Variants in DNAJC6 observed in about 807,000 individuals in gnomAD.
The protein encoded by DNAJC6 is DnaJ heat shock protein family (Hsp40) member C6.
DNAJC6 carries 34 observed loss-of-function variants against 110.0 expected under a neutral mutation model. The ratio of observed to expected loss-of-function variants is 0.31; its 90% confidence interval spans 0.24 to 0.41. The LOEUF is 0.41. DNAJC6 is among the 10% of genes least tolerant of loss of function. The pLI is 1.00. For synonymous variants in DNAJC6, 406 were observed against 437.2 expected, an observed-to-expected ratio of 0.93 and a Z score of 0.89; for missense variants, 1,031 against 1,207.8, an observed-to-expected ratio of 0.85 and a Z score of 2.17.
rs1469728244 is a variant in DNAJC6, at chr1:65,379,536, T to C, written c.666+12T>C. 1.1e-5 allele frequency: 18 copies of C among 1,613,476 alleles called. No homozygotes were observed. The highest frequency in any genetic ancestry group is 1.6e-4 in the Middle Eastern group (1 of 6,082). On this transcript the variant is annotated intron_variant, in intron 5 of 18. Transcript: ENST00000371069. ...TTGTCCACTGCTTGGTGAGTAACCT[T>C]TTGTTGTTGGTGGTGATGGTTTGGT...
intron 1 of DNAJC6, among the ~76,000 whole-genome samples, chr1:65,351,908 G>A (rs992471742): frequency 4.6e-5 from 7 of 152,048 alleles, no homozygotes; most frequent in Non-Finnish European, 8.8e-5. Flanking sequence ...GGGATTACAG[G>A]CGTCCACCAC....
intron 1 of DNAJC6, among the ~76,000 whole-genome samples, chr1:65,311,474 C>T (rs1332445355): frequency 6.6e-6 from 1 of 152,122 alleles, no homozygotes; most frequent in East Asian, 1.9e-4. Context: ...ATCTGCCTGC[C>T]TCGGCCTCCC....
chr1:65,356,753 G>A (rs764797024), intron 1 of DNAJC6, among the ~76,000 whole-genome samples: 1 of 152,028 alleles, frequency 6.6e-6, no homozygotes, highest in East Asian at 1.9e-4. Context: ...TTTATAGGGT[G>A]GGGAGTTGGT....
chr1:65,350,037 A>C (rs1645476758), intron 1 of DNAJC6, among the ~76,000 whole-genome samples: 1 of 152,228 alleles, frequency 6.6e-6, no homozygotes, highest in Non-Finnish European at 1.5e-5. Flanking sequence ...TTTACAATTC[A>C]ATAGTGCTAA....
At chr1:65,266,123 G>A (rs1412919633) in intron 1 of DNAJC6, among the ~76,000 whole-genome samples, 1 of 152,250 alleles carries the variant, frequency 6.6e-6, no homozygotes, top group Non-Finnish European at 1.5e-5. Context: ...TGGGTGAGAC[G>A]TGCAACAACG....
intron 4 of DNAJC6, among the ~76,000 whole-genome samples, chr1:65,373,340 G>A (rs1645726688): frequency 6.6e-6 from 1 of 151,994 alleles, no homozygotes; most frequent in Non-Finnish European, 1.5e-5. Flanking sequence ...GAATTGCTGG[G>A]TCATATGGAA....
intron 1 of DNAJC6, among the ~76,000 whole-genome samples, chr1:65,339,004 C>T (rs886747216): frequency 2.6e-5 from 4 of 152,124 alleles, no homozygotes; most frequent in Non-Finnish European, 5.9e-5. Flanking sequence ...TTATCCTTCC[C>T]ATATGGTCTT....
intron 1 of DNAJC6, among the ~76,000 whole-genome samples, chr1:65,325,020 G>A (rs1160123161): frequency 5.3e-5 from 8 of 152,136 alleles, no homozygotes; most frequent in South Asian, 2.1e-4. Flanking sequence ...CTTAGTGGTC[G>A]GCCCTATAAA....
intron 1 of DNAJC6, chr1:65,298,634 A>C (rs1289683968): frequency 6.6e-6 from 1 of 151,936 alleles, no homozygotes; most frequent in Non-Finnish European, 1.5e-5. Context: ...TTAATTATTT[A>C]TTAAGATAAA....
chr1:65,276,041 C>T (rs971575019), intron 1 of DNAJC6, among the ~76,000 whole-genome samples: 4 of 151,978 alleles, frequency 2.6e-5, no homozygotes, highest in Admixed American at 2.0e-4. Flanking sequence ...ACCACTATGC[C>T]TGGCTAATTT....
At chr1:65,269,443 T>C (rs1178964243) in intron 1 of DNAJC6, among the ~76,000 whole-genome samples, 3 of 152,076 alleles carry the variant, frequency 2.0e-5, no homozygotes, top group Admixed American at 6.6e-5. Context: ...CAAAATCTAA[T>C]TGGGTTTGAG....
chr1:65,346,389 T>A (rs1451332340), intron 1 of DNAJC6, among the ~76,000 whole-genome samples: 3 of 13,590 alleles, frequency 2.2e-4, no homozygotes, highest in Non-Finnish European at 3.1e-4. Context: ...GATAATCCAT[T>A]TTTTTTTTGT....
chr1:65,332,218 T>C (rs879419915), intron 1 of DNAJC6, among the ~76,000 whole-genome samples: 2 of 152,198 alleles, frequency 1.3e-5, no homozygotes, highest in Non-Finnish European at 2.9e-5. Flanking sequence ...GAAGAAAGGA[T>C]GTCTCTATGG....
At chr1:65,318,451 C>T (rs371765083) in intron 1 of DNAJC6, among the ~76,000 whole-genome samples, 15 of 152,094 alleles carry the variant, frequency 9.9e-5, no homozygotes, top group Admixed American at 3.3e-4. Context: ...TGAATCCCAC[C>T]GGTGGTTCCT....
intron 4 of DNAJC6, among the ~76,000 whole-genome samples, chr1:65,371,511 A>T (rs573322312): frequency 1.3e-5 from 2 of 152,198 alleles, no homozygotes; most frequent in Non-Finnish European, 2.9e-5. Flanking sequence ...ACAATAAGTG[A>T]TTGACTGAAT....
intron 1 of DNAJC6, among the ~76,000 whole-genome samples, chr1:65,343,867 C>T (rs767693748): frequency 1.1e-4 from 16 of 152,240 alleles, no homozygotes; most frequent in Non-Finnish European, 1.5e-4. Flanking sequence ...ACATCTCAGA[C>T]GGCAAATGTT....
At chr1:65,328,823 A>G (rs1260548726) in intron 1 of DNAJC6, among the ~76,000 whole-genome samples, 1 of 151,980 alleles carries the variant, frequency 6.6e-6, no homozygotes, top group Non-Finnish European at 1.5e-5. Context: ...ATAATTCTCC[A>G]CCCTCCTCCA....
In DNAJC6 at chr1:65,364,997, G is replaced by A. The variant is rs554371523; in HGVS notation, c.344+212G>A. On this transcript the variant is annotated intron_variant, in intron 2 of 18. Coordinates refer to ENST00000371069, the MANE Select transcript of DNAJC6 (RefSeq NM_001256864.2). ...GAGGACTCAGTTCATTGCCACATTA[G>A]AGTATAATGGTTGCCCTCCCTGTCT... Among the ~76,000 whole-genome samples the A allele has an allele frequency of 5.3e-5, 8 of 152,268 alleles. No individual in the cohort carries two copies. In the South Asian group the frequency reaches 1.7e-3, roughly 32 times the overall value.
chr1:65,378,141 T>G (rs1480241314), intron 4 of DNAJC6, among the ~76,000 whole-genome samples: 1 of 152,182 alleles, frequency 6.6e-6, no homozygotes, highest in Non-Finnish European at 1.5e-5. Context: ...CAGCTAGCCT[T>G]AGCCACTATC....
Sources: gnomAD v4.1 joint callset for allele counts (sites outside exome capture counted in the v4.1 genomes callset) on GRCh38, gnomAD v4.1.1 for gene constraint, MANE v1.5 for transcripts, NCBI Gene and HGNC (gene_info 2026-07-23, HGNC 2026-07-21) for gene names.